Variants in SLC14A2 observed in about 807,000 individuals in gnomAD.
The protein encoded by SLC14A2 is urea transporter 2.
SLC14A2 carries 91 observed loss-of-function variants against 104.6 expected under a neutral mutation model. The ratio of observed to expected loss-of-function variants is 0.87; its 90% CI spans 0.73 to 1.04. SLC14A2 has a LOEUF of 1.04. Ranked by LOEUF, SLC14A2 falls within the 50% of genes least tolerant of loss-of-function variation. SLC14A2 has a pLI of 0.00. For missense variants in SLC14A2, 1,189 were observed against 1,156.0 expected (o/e 1.03, Z -0.41); for synonymous variants, 476 against 466.4 (o/e 1.02, Z -0.27).
At chr18:45,498,954 C>G (rs1438498890) in intron 2 of SLC14A2, among the ~76,000 whole-genome samples, 2 of 152,246 alleles carry the variant, frequency 1.3e-5, no homozygotes, top group Non-Finnish European at 2.9e-5. Context: ...CTTGTTTAAG[C>G]CTTTAGCCTC....
At chr18:45,253,670 C>G (rs1237153785) in intron 1 of SLC14A2, among the ~76,000 whole-genome samples, 1 of 152,148 alleles carries the variant, frequency 6.6e-6, no homozygotes, top group Admixed American at 6.5e-5. Context: ...ATACTTCCCT[C>G]TCCTTCACCC....
At chr18:45,438,547 T>C (rs1295203218) in intron 1 of SLC14A2, among the ~76,000 whole-genome samples, 1 of 152,100 alleles carries the variant, frequency 6.6e-6, no homozygotes, top group Non-Finnish European at 1.5e-5. Context: ...AGGAGAGAGA[T>C]CTTTGTTTAA....
chr18:45,457,254 A>G (rs752399533), intron 1 of SLC14A2, among the ~76,000 whole-genome samples: 3 of 152,104 alleles, frequency 2.0e-5, no homozygotes, highest in Non-Finnish European at 4.4e-5. Context: ...ACAGTAAACA[A>G]CTATAGCCCT....
At chr18:45,559,205 A>G (rs2144305937) in intron 2 of SLC14A2, among the ~76,000 whole-genome samples, 1 of 152,304 alleles carries the variant, frequency 6.6e-6, no homozygotes, top group South Asian at 2.1e-4. Flanking sequence ...GAGATACGTA[A>G]GCAGCCACAA....
intron 1 of SLC14A2, among the ~76,000 whole-genome samples, chr18:45,214,963 C>G (rs1420831358): frequency 6.8e-6 from 1 of 146,874 alleles, no homozygotes; most frequent in Non-Finnish European, 1.5e-5. Context: ...AAAAAAGATA[C>G]CTAATAGCTT....
intron 2 of SLC14A2, among the ~76,000 whole-genome samples, chr18:45,506,790 G>T (rs1209961336): frequency 6.6e-6 from 1 of 152,166 alleles, no homozygotes; most frequent in Non-Finnish European, 1.5e-5. Flanking sequence ...CGAGTTTATT[G>T]GTAATTTGTC....
At chr18:45,261,177 C>A (rs973567454) in intron 1 of SLC14A2, among the ~76,000 whole-genome samples, 1 of 151,550 alleles carries the variant, frequency 6.6e-6, no homozygotes, top group East Asian at 1.9e-4. Flanking sequence ...CCCCACCCCA[C>A]AACAGGCCCC....
upstream of SLC14A2, among the ~76,000 whole-genome samples, chr18:45,611,742 C>A (rs993990914): frequency 6.6e-6 from 1 of 152,192 alleles, no homozygotes; most frequent in Non-Finnish European, 1.5e-5. Context: ...ACAGTCTTAG[C>A]TCCTGTGTCA....
chr18:45,483,200 GCTT>G (rs2087531041), intron 1 of SLC14A2: 1 of 151,866 alleles, frequency 6.6e-6, no homozygotes, highest in South Asian at 2.1e-4. Flanking sequence ...AACCCTCAAG[GCTT>G]CTTTATTCTG....
chr18:45,406,591 G>A (rs2086157382), intron 1 of SLC14A2, among the ~76,000 whole-genome samples: 1 of 152,098 alleles, frequency 6.6e-6, no homozygotes, highest in Non-Finnish European at 1.5e-5. Flanking sequence ...TCCAACAGAG[G>A]AATCACTATC....
chr18:45,464,550 G>C (rs766606269), intron 1 of SLC14A2, among the ~76,000 whole-genome samples: 8 of 152,200 alleles, frequency 5.3e-5, no homozygotes, highest in Non-Finnish European at 1.0e-4. Context: ...ATAAAGCCCG[G>C]CATGAGTGGC....
chr18:45,571,859 G>GTTGA lies in SLC14A2; in HGVS notation c.-34-52766_-34-52763dup, dbSNP rs1206240528. Among the ~76,000 whole-genome samples, 9 of 150,594 alleles carry GTTGA rather than the reference G, an allele frequency of 6.0e-5. No individual in the cohort carries two copies. The East Asian group carries it at 1.2e-3, about 19-fold the overall frequency. On this transcript the variant is annotated intron_variant, in intron 2 of 20. Transcript: ENST00000586448. ...TCTCATTGAGTAAAATATAATATGG[G>GTTGA]TTGATTGATAGGGTTGGTTGAACAT...
chr18:45,176,740 C>A, the SLC14A2 span, among the ~76,000 whole-genome samples: 2 of 152,162 alleles, frequency 1.3e-5, no homozygotes, highest in Non-Finnish European at 1.5e-5. Context: ...ATATGATTTG[C>A]TGGCTCATTC....
At chr18:45,190,790 AATT>A in the SLC14A2 span, among the ~76,000 whole-genome samples, 13 of 152,170 alleles carry the variant, frequency 8.5e-5, no homozygotes, top group Non-Finnish European at 1.3e-4. Flanking sequence ...ATGAAGGTAT[AATT>A]ATTATCCGCA....
intron 10 of SLC14A2, among the ~76,000 whole-genome samples, chr18:45,653,302 C>G (rs1281851709): frequency 6.6e-6 from 1 of 152,116 alleles, no homozygotes; most frequent in African/African-American, 2.4e-5. Flanking sequence ...TCACAAGGCC[C>G]TCGTGATTAG....
Position 45,314,318 on chromosome 18 carries a change from A to G in SLC14A2, c.-125+101127A>G, listed in dbSNP as rs60473906. 2.0e-3 allele frequency among the ~76,000 whole-genome samples: 305 copies of G among 152,332 alleles called. 1 individual carries two copies. The highest frequency in any genetic ancestry group is 5.6e-3 in the Admixed American group (85 of 15,304). ...TGTTCTCAGTGGAATCTCCATAAAT[A>G]AGTAGTAAACCCCTCCTAGTTAAAA... On this transcript the variant is annotated intron_variant, in intron 1 of 20. Transcript: ENST00000586448.
chr18:45,518,556 G>A (rs2043473583), intron 2 of SLC14A2, among the ~76,000 whole-genome samples: 1 of 152,200 alleles, frequency 6.6e-6, no homozygotes, highest in African/African-American at 2.4e-5. Flanking sequence ...TTGGAGCTGA[G>A]TCATGTCAGA....
At chr18:45,593,486 C>CTTTTTTTTTTTTTTT (rs1172271684) in intron 2 of SLC14A2, among the ~76,000 whole-genome samples, 11 of 88,788 alleles carry the variant, frequency 1.2e-4, no homozygotes, top group African/African-American at 5.1e-4. Context: ...TTTCCTTAAT[C>CTTTTTTTTTTTTTTT]TTTTTTTTTT....
intron 19 of SLC14A2, among the ~76,000 whole-genome samples, chr18:45,679,549 G>A (rs1226669914): frequency 2.0e-5 from 3 of 152,186 alleles, no homozygotes; most frequent in Non-Finnish European, 2.9e-5. Flanking sequence ...AGGTCAGGAG[G>A]AGCCCATGCT....
Sources: allele counts gnomAD v4.1 joint callset (sites outside exome capture counted in the v4.1 genomes callset), GRCh38; gene constraint gnomAD v4.1.1; transcripts MANE v1.5; gene names NCBI Gene and HGNC (gene_info 2026-07-23, HGNC 2026-07-21).